The following COLGALT2 variants were observed in gnomAD, a reference collection of about 807,000 sequenced individuals.
The protein encoded by COLGALT2 is collagen beta(1-O)galactosyltransferase 2, also known as procollagen galactosyltransferase 2.
In COLGALT2, 49 loss-of-function variants were observed where a neutral mutation model predicts 73.4. That is an observed-to-expected ratio of 0.67 (90% CI 0.53 to 0.85). The LOEUF (loss-of-function observed/expected upper bound fraction) is 0.85, where lower values mean the gene tolerates loss of function less well. Among genes scored for constraint, COLGALT2 ranks in the 40% least tolerant of loss-of-function variants. The pLI is 0.00. For synonymous variants in COLGALT2, 295 were observed against 307.6 expected, an observed-to-expected ratio of 0.96 and a Z score of 0.43; for missense variants, 722 against 790.2, an observed-to-expected ratio of 0.91 and a Z score of 1.03.
At chr1:184,027,964 C>G (rs1649380763) in intron 1 of COLGALT2, among the ~76,000 whole-genome samples, 1 of 152,140 alleles carries the variant, frequency 6.6e-6, no homozygotes, top group Non-Finnish European at 1.5e-5. Context: ...GTTTCTAGCA[C>G]AAGGAAAGCA....
chr1:183,977,562 G>A (rs1671231953), intron 2 of COLGALT2, among the ~76,000 whole-genome samples: 1 of 152,024 alleles, frequency 6.6e-6, no homozygotes, highest in South Asian at 2.1e-4. Context: ...AAGGTGGGAG[G>A]ATCGCTTGAG....
chr1:184,007,750 A>G (rs371453463), intron 1 of COLGALT2, among the ~76,000 whole-genome samples: 1 of 152,184 alleles, frequency 6.6e-6, no homozygotes, highest in South Asian at 2.1e-4. Context: ...CATGGCCCCC[A>G]GGGTCCTCAA....
At position 184,008,866 on chromosome 1, in the gene COLGALT2, C is replaced by T. The variant is rs113718730; in HGVS notation, c.263+28229G>A. On this transcript the variant is annotated intron_variant, in intron 1 of 11. Transcript: ENST00000361927. ...GAGGCATGAGGTTTGCAAACTATCT[C>T]AAATAATTAAAAAATAATATGTATA... 1.7e-3 allele frequency among the ~76,000 whole-genome samples: 256 copies of T among 152,124 alleles called. 1 individual carries two copies. The highest frequency in any genetic ancestry group is 6.0e-3 in the African/African-American group (250 of 41,506).
At chr1:184,010,492 G>A (rs1275817776) in intron 1 of COLGALT2, among the ~76,000 whole-genome samples, 1 of 152,170 alleles carries the variant, frequency 6.6e-6, no homozygotes, top group African/African-American at 2.4e-5. Flanking sequence ...GGGGCAAGGA[G>A]CTAACTGAAC....
At chr1:183,953,516 A>G (rs1670469417) in intron 7 of COLGALT2, among the ~76,000 whole-genome samples, 1 of 152,166 alleles carries the variant, frequency 6.6e-6, no homozygotes, top group Non-Finnish European at 1.5e-5. Flanking sequence ...AAATGAATCT[A>G]TGTAAGGACA....
intron 1 of COLGALT2, among the ~76,000 whole-genome samples, chr1:183,988,991 T>C (rs1431102103): frequency 1.3e-5 from 2 of 152,248 alleles, no homozygotes; most frequent in Non-Finnish European, 1.5e-5. Flanking sequence ...GTAATTTTCC[T>C]TTAAGTATTA....
In COLGALT2 at chr1:184,026,507, A is replaced by T. The variant is rs573101649; in HGVS notation, c.263+10588T>A. ...TAATGCTGCTATATCAACTTCTTAAAAAATATTTGTTGTGCAGCAGCAACA... is the reference window on the plus strand; with the variant it reads ...TAATGCTGCTATATCAACTTCTTAATAAATATTTGTTGTGCAGCAGCAACA... On this transcript the variant is annotated intron_variant, in intron 1 of 11. Coordinates refer to ENST00000361927, the MANE Select transcript of COLGALT2 (RefSeq NM_015101.4). 2.0e-5 allele frequency among the ~76,000 whole-genome samples: 3 copies of T among 152,312 alleles called. No homozygotes were observed. In the South Asian group the frequency reaches 6.2e-4, roughly 32 times the overall value.
At position 184,020,938 on chromosome 1, in the gene COLGALT2, T is replaced by C. The variant is rs74831479; in HGVS notation, c.263+16157A>G. ...ATGTGGGCCTCTGCTTGGGACTGTT[T>C]GGATGTTCTCATGGCATGGGGGCTG... On this transcript the variant is annotated intron_variant, in intron 1 of 11. Coordinates refer to ENST00000361927, the MANE Select transcript of COLGALT2 (RefSeq NM_015101.4). Among the ~76,000 whole-genome samples, 623 of 152,204 alleles carry C rather than the reference T, an allele frequency of 4.1e-3. 6 individuals carry two copies. Among genetic ancestry groups the C allele is most frequent in the Middle Eastern group, 0.014 (4 of 294 alleles).
chr1:183,992,482 G>A (rs916157681), intron 1 of COLGALT2, among the ~76,000 whole-genome samples: 3 of 152,214 alleles, frequency 2.0e-5, no homozygotes, highest in African/African-American at 4.8e-5. Flanking sequence ...CATGGGTCAT[G>A]AGCCATCTTC....
At chr1:184,014,221 G>C (rs2102849797) in intron 1 of COLGALT2, among the ~76,000 whole-genome samples, 1 of 152,262 alleles carries the variant, frequency 6.6e-6, no homozygotes, top group South Asian at 2.1e-4. Flanking sequence ...GATCCCAGGG[G>C]AACACCACTT....
At chr1:184,003,228 C>T (rs1558333362) in intron 1 of COLGALT2, among the ~76,000 whole-genome samples, 1 of 152,168 alleles carries the variant, frequency 6.6e-6, no homozygotes, top group Non-Finnish European at 1.5e-5. Flanking sequence ...TAGGTCCCCT[C>T]CTCTTAAATC....
At chr1:184,025,208 T>C (rs949885994) in intron 1 of COLGALT2, among the ~76,000 whole-genome samples, 3 of 152,270 alleles carry the variant, frequency 2.0e-5, no homozygotes, top group Non-Finnish European at 2.9e-5. Flanking sequence ...TTCAGTCACC[T>C]GCTGGCATTG....
In COLGALT2 at chr1:183,936,811, G is replaced by A; in HGVS notation, c.*1950C>T. On this transcript the variant is annotated 3_prime_UTR_variant, in exon 12 of 12. Transcript: ENST00000361927. ...AGCGGCACAATTTAGAGTTGGGTGA[G>A]TTCCCTTTCCTCCAGCGGCCTAGCT... The A allele has an allele frequency of 8.1e-7, 1 of 1,231,698 alleles. No homozygotes were observed. Among genetic ancestry groups the A allele is most frequent in the Non-Finnish European group, 1.0e-6 (1 of 987,968 alleles). The allele number at this position is 1,231,698 out of a possible 1,614,324, so 76.3% of individuals were successfully genotyped here. A position where few individuals can be genotyped will look rare whatever the true frequency, so the allele number is the denominator to read the frequency against.
Position 183,951,783 on chromosome 1 carries a change from A to G in COLGALT2, c.1030-670T>C, listed in dbSNP as rs190925076. 6.6e-5 allele frequency among the ~76,000 whole-genome samples: 10 copies of G among 152,352 alleles called. No individual in the cohort carries two copies. The East Asian group carries it at 1.9e-3, about 29-fold the overall frequency. On this transcript the variant is annotated intron_variant, in intron 7 of 11. Coordinates refer to ENST00000361927, the MANE Select transcript of COLGALT2 (RefSeq NM_015101.4). ...ATGTCCATACTATCAAATGTGATAAACAGATTCAGTGCAATCTCTACCAAA... is the reference window on the plus strand; with the variant it reads ...ATGTCCATACTATCAAATGTGATAAGCAGATTCAGTGCAATCTCTACCAAA...
At chr1:184,034,263 T>C (rs574461391) in intron 1 of COLGALT2, among the ~76,000 whole-genome samples, 1 of 149,522 alleles carries the variant, frequency 6.7e-6, no homozygotes, top group Non-Finnish European at 1.5e-5. Flanking sequence ...AAAACTCTGG[T>C]TGATGCCCTA....
chr1:183,960,666 C>T (rs1670675345), intron 6 of COLGALT2, among the ~76,000 whole-genome samples: 1 of 152,220 alleles, frequency 6.6e-6, no homozygotes, highest in Non-Finnish European at 1.5e-5. Flanking sequence ...CAAGCTTGTT[C>T]AACCATGGCC....
intron 10 of COLGALT2, among the ~76,000 whole-genome samples, 157 bp downstream of exon 10, chr1:183,944,039 T>G (rs756402701): frequency 1.3e-5 from 2 of 152,212 alleles, no homozygotes; most frequent in Admixed American, 6.5e-5. Context: ...GGCTAACCTC[T>G]ACCCATTTTT....
chr1:183,967,337 C>T (rs1371719214), intron 5 of COLGALT2, among the ~76,000 whole-genome samples: 1 of 152,198 alleles, frequency 6.6e-6, no homozygotes, highest in Non-Finnish European at 1.5e-5. Context: ...TAACACCGTG[C>T]CAGGAACAGA....
At chr1:183,981,489 TA>T (rs35789912) in intron 1 of COLGALT2, among the ~76,000 whole-genome samples, 89,535 of 144,782 alleles carry the variant, frequency 0.62, 29,500 homozygotes, top group Non-Finnish European at 0.76. Context: ...CCGTCCCTAC[TA>T]AAAAAAAAAA....
Sources: allele counts gnomAD v4.1 joint callset (sites outside exome capture counted in the v4.1 genomes callset), GRCh38; gene constraint gnomAD v4.1.1; transcripts MANE v1.5; gene names NCBI Gene and HGNC (gene_info 2026-07-23, HGNC 2026-07-21).